Variants in PTN observed in about 807,000 individuals in gnomAD.
The protein encoded by PTN is heparin affin regulatory protein.
Under a neutral mutation model 24.1 loss-of-function variants are expected in PTN, and 18 were observed. The ratio of observed to expected loss-of-function variants is 0.75; its 90% CI spans 0.52 to 1.11. PTN has a LOEUF of 1.11. PTN is among the 50% of genes least tolerant of loss of function. PTN has a pLI of 0.00. For missense variants in PTN, 163 were observed against 198.8 expected (o/e 0.82, Z 1.08); for synonymous variants, 78 against 68.6 (o/e 1.14, Z -0.67).
intron 1 of PTN, among the ~76,000 whole-genome samples, chr7:137,304,433 C>T (rs1350263266): frequency 2.0e-5 from 3 of 151,614 alleles, no homozygotes; most frequent in Non-Finnish European, 4.4e-5. Context: ...ATTCATAGAC[C>T]ACCCCGCTCC....
intron 1 of PTN, among the ~76,000 whole-genome samples, chr7:137,341,923 C>A (rs1211735891): frequency 2.0e-5 from 3 of 152,018 alleles, no homozygotes; most frequent in African/African-American, 7.3e-5. Flanking sequence ...TATTGCCAGT[C>A]TGAAATAACT....
At chr7:137,309,927 T>C (rs1191544796) in intron 1 of PTN, among the ~76,000 whole-genome samples, 2 of 152,246 alleles carry the variant, frequency 1.3e-5, no homozygotes, top group Non-Finnish European at 2.9e-5. Flanking sequence ...ATGTTTTTAA[T>C]GGCATCTAGA....
chr7:137,262,082 C>T (rs1809049582), intron 1 of PTN, among the ~76,000 whole-genome samples: 1 of 152,126 alleles, frequency 6.6e-6, no homozygotes, highest in Non-Finnish European at 1.5e-5. Context: ...ATCTATTTTA[C>T]TTTCCCTTAT....
chr7:137,314,613 T>G (rs1472189603), intron 1 of PTN, among the ~76,000 whole-genome samples: 1 of 119,822 alleles, frequency 8.3e-6, no homozygotes, highest in African/African-American at 3.2e-5. Flanking sequence ...TTTTTTTTTT[T>G]AGAGAGTCTC....
intron 2 of PTN, 108 bp downstream of exon 2, chr7:137,254,751 A>G: frequency 1.7e-6 from 1 of 601,804 alleles, no homozygotes; most frequent in Non-Finnish European, 2.6e-6. Context: ...GGAATAGAGG[A>G]ATAGGAAGGG....
At chr7:137,271,995 C>T (rs561656638) in intron 1 of PTN, among the ~76,000 whole-genome samples, 29 of 152,250 alleles carry the variant, frequency 1.9e-4, no homozygotes, top group African/African-American at 7.0e-4. Flanking sequence ...CAATTGCAGC[C>T]CTCTTGCCCC....
At chr7:137,285,573 G>C (rs1276590212) in intron 1 of PTN, among the ~76,000 whole-genome samples, 1 of 152,132 alleles carries the variant, frequency 6.6e-6, no homozygotes, top group African/African-American at 2.4e-5. Flanking sequence ...AAGAGGCTGA[G>C]GCAGGAGAAT....
At chr7:137,254,800 A>C in intron 2 of PTN, 59 bp downstream of exon 2, 2 of 1,173,854 alleles carry the variant, frequency 1.7e-6, no homozygotes, top group Non-Finnish European at 2.3e-6. Context: ...AAAGCAGGTA[A>C]TTAGACTAGA....
At chr7:137,296,874 C>T (rs1809726681) in intron 1 of PTN, among the ~76,000 whole-genome samples, 1 of 151,984 alleles carries the variant, frequency 6.6e-6, no homozygotes, top group Admixed American at 6.6e-5. Flanking sequence ...GATTGGATGG[C>T]CTAAGAAGTC....
At chr7:137,285,661 C>G (rs1453158750) in intron 1 of PTN, among the ~76,000 whole-genome samples, 1 of 152,160 alleles carries the variant, frequency 6.6e-6, no homozygotes, top group East Asian at 1.9e-4. Flanking sequence ...CAGAGTGAGA[C>G]TCCACCTCAA....
chr7:137,331,102 T>C (rs560554167), intron 1 of PTN, among the ~76,000 whole-genome samples: 2 of 152,312 alleles, frequency 1.3e-5, no homozygotes, highest in East Asian at 3.9e-4. Flanking sequence ...TTATTGGTCT[T>C]GCTGCCTTTG....
intron 1 of PTN, among the ~76,000 whole-genome samples, chr7:137,301,058 T>G (rs1280954728): frequency 1.3e-5 from 2 of 151,678 alleles, no homozygotes; most frequent in African/African-American, 4.8e-5. Context: ...GCCTAGGTTC[T>G]AGAGATAAAA....
At chr7:137,297,364 C>G (rs1221372174) in intron 1 of PTN, among the ~76,000 whole-genome samples, 1 of 152,060 alleles carries the variant, frequency 6.6e-6, no homozygotes, top group African/African-American at 2.4e-5. Context: ...GGAAGTTTTA[C>G]ACAGCAGCAC....
chr7:137,295,518 G>T (rs1049128547), intron 1 of PTN, among the ~76,000 whole-genome samples: 5 of 152,002 alleles, frequency 3.3e-5, no homozygotes, highest in Non-Finnish European at 7.4e-5. Flanking sequence ...AATGTGGCTA[G>T]TCCGAATGGA....
At chr7:137,301,834 C>T (rs1809811208) in intron 1 of PTN, among the ~76,000 whole-genome samples, 1 of 151,916 alleles carries the variant, frequency 6.6e-6, no homozygotes, top group Non-Finnish European at 1.5e-5. Flanking sequence ...TTAAAAGTAT[C>T]TTGGCATTTG....
intron 1 of PTN, among the ~76,000 whole-genome samples, chr7:137,267,626 T>A (rs1809179796): frequency 6.6e-6 from 1 of 152,108 alleles, no homozygotes; most frequent in African/African-American, 2.4e-5. Flanking sequence ...TTTCTTGAAA[T>A]TTTTCAACAT....
chr7:137,243,068 C>T (rs2128869503), intron 4 of PTN, among the ~76,000 whole-genome samples: 1 of 152,342 alleles, frequency 6.6e-6, no homozygotes, highest in African/African-American at 2.4e-5. Flanking sequence ...TCCCAAGTAG[C>T]TGGGACTACA....
intron 1 of PTN, among the ~76,000 whole-genome samples, chr7:137,300,395 A>T (rs1809787279): frequency 6.6e-6 from 1 of 151,866 alleles, no homozygotes; most frequent in South Asian, 2.1e-4. Context: ...GGTGCTAGGG[A>T]CCAGAGACAG....
At chr7:137,313,620 T>G (rs1028082764) in intron 1 of PTN, among the ~76,000 whole-genome samples, 2 of 152,202 alleles carry the variant, frequency 1.3e-5, no homozygotes, top group African/African-American at 4.8e-5. Context: ...TACTCACTCT[T>G]TCCCTTATTA....
Sources: gnomAD v4.1 joint callset for allele counts (sites outside exome capture counted in the v4.1 genomes callset) on GRCh38, gnomAD v4.1.1 for gene constraint, MANE v1.5 for transcripts, NCBI Gene and HGNC (gene_info 2026-07-23, HGNC 2026-07-21) for gene names.